MAST2: variants seen among roughly 807,000 people sequenced by gnomAD.
The protein encoded by MAST2 is microtubule-associated serine/threonine-protein kinase 2.
In MAST2, 70 loss-of-function variants were observed where a neutral mutation model predicts 147.4. The observed-to-expected ratio is 0.47, with a 90% CI of 0.39 to 0.58. MAST2 has a LOEUF of 0.58. Among genes scored for constraint, MAST2 ranks in the 20% least tolerant of loss-of-function variants. MAST2 has a pLI of 0.00. For missense variants in MAST2, 2,080 were observed against 2,302.3 expected, an observed-to-expected ratio of 0.90 and a Z score of 1.98; for synonymous variants, 869 against 896.8, an observed-to-expected ratio of 0.97 and a Z score of 0.55.
At position 45,814,478 on chromosome 1, in the gene MAST2, T is replaced by A. The variant is rs183622217; in HGVS notation, c.178-9955T>A. Among the ~76,000 whole-genome samples the A allele has an allele frequency of 6.8e-4, 104 of 151,940 alleles. 1 individual carries two copies. In the East Asian group the frequency reaches 0.014, roughly 20 times the overall value. On this transcript the variant is annotated intron_variant, in intron 1 of 28. Transcript: ENST00000361297. ...CAGTTTAAAAAGTAAAAAAAGAAAA[T>A]TTTTTTAATAGAAGAAAGCTTATAT...
At chr1:46,004,209 A>G (rs1645390788) in intron 7 of MAST2, among the ~76,000 whole-genome samples, 1 of 151,822 alleles carries the variant, frequency 6.6e-6, no homozygotes, top group South Asian at 2.1e-4. Context: ...CTAAAAATAC[A>G]AAAAATTAGC....
intron 4 of MAST2, among the ~76,000 whole-genome samples, chr1:45,903,431 AAACTT>A (rs1270084763): frequency 2.6e-5 from 4 of 152,134 alleles, no homozygotes; most frequent in Admixed American, 6.5e-5. Context: ...TGCCTGGCCT[AAACTT>A]AACTTAGCAG....
chr1:45,939,963 T>G (rs1332412507), intron 4 of MAST2, among the ~76,000 whole-genome samples: 1 of 151,070 alleles, frequency 6.6e-6, no homozygotes, highest in Non-Finnish European at 1.5e-5. Context: ...AGAACGGAAG[T>G]TCTCTATTTA....
chr1:45,835,039 A>G lies in MAST2; in HGVS notation c.468+5458A>G, dbSNP rs773730578. On this transcript the variant is annotated intron_variant, in intron 3 of 28. Transcript: ENST00000361297. ...ACAGTTCTTAACATATCTACTGGAA[A>G]TCTAAAAAGCCATGTATTGTATTTG... 2.8e-4 allele frequency among the ~76,000 whole-genome samples: 42 copies of G among 152,148 alleles called. 1 individual carries two copies. The Middle Eastern group carries it at 0.034, about 123-fold the overall frequency.
At chr1:45,891,197 A>G (rs1209375150) in intron 4 of MAST2, among the ~76,000 whole-genome samples, 1 of 152,200 alleles carries the variant, frequency 6.6e-6, no homozygotes, top group Non-Finnish European at 1.5e-5. Context: ...CTATAGACAA[A>G]CATTATTTTG....
intron 10 of MAST2, among the ~76,000 whole-genome samples, chr1:46,014,419 T>C (rs1645847504): frequency 6.8e-6 from 1 of 147,966 alleles, no homozygotes; most frequent in Non-Finnish European, 1.5e-5. Flanking sequence ...AGTGAGAATA[T>C]GCGGTGTTTG....
chr1:45,836,744 A>G (rs1645113578), intron 3 of MAST2, among the ~76,000 whole-genome samples: 2 of 152,204 alleles, frequency 1.3e-5, no homozygotes, highest in South Asian at 2.1e-4. Context: ...GTTCAGTTTG[A>G]TGACTTTTGG....
At chr1:46,001,116 C>A in intron 6 of MAST2, 1 of 644,328 alleles carries the variant, frequency 1.6e-6, no homozygotes, top group Non-Finnish European at 2.5e-6. Flanking sequence ...TTGGGCCTTT[C>A]ATGTCTTGCA....
chr1:45,849,293 G>C (rs1041318738), intron 3 of MAST2, among the ~76,000 whole-genome samples: 4 of 152,080 alleles, frequency 2.6e-5, no homozygotes, highest in African/African-American at 9.7e-5. Flanking sequence ...TAAGCAAAGA[G>C]AACAAAACTG....
chr1:46,031,635 T>C lies in MAST2; in HGVS notation c.3187+50T>C. On this transcript the variant is annotated intron_variant, in intron 24 of 28. Transcript: ENST00000361297. This position sits in a 1 kb window ranked among gnomAD's most constrained non-coding sequence, Gnocchi z 4.1. ...AAAACTCACAGGAAGGGCCTTGTAA[T>C]CTCTAGGCCTTGGGAGGGTTCTGCA... 6.4e-7 allele frequency: 1 copy of C among 1,560,454 alleles called. No individual in the cohort carries two copies. Among genetic ancestry groups the C allele is most frequent in the Non-Finnish European group, 8.7e-7 (1 of 1,144,568 alleles).
intron 3 of MAST2, among the ~76,000 whole-genome samples, chr1:45,871,844 G>A (rs1025658103): frequency 6.6e-6 from 1 of 152,092 alleles, no homozygotes; most frequent in Non-Finnish European, 1.5e-5. Context: ...TTAATTATGA[G>A]TTATATCAAG....
At chr1:45,878,330 G>A (rs1397774773) in intron 3 of MAST2, among the ~76,000 whole-genome samples, 5 of 152,084 alleles carry the variant, frequency 3.3e-5, no homozygotes, top group Admixed American at 3.3e-4. Flanking sequence ...TTCAGTAGAT[G>A]CAGAGAAAGT....
intron 4 of MAST2, among the ~76,000 whole-genome samples, chr1:45,899,370 G>A (rs1649360332): frequency 8.7e-6 from 1 of 114,634 alleles, no homozygotes; most frequent in African/African-American, 3.4e-5. Context: ...TGGATATATT[G>A]TGTAATGCTG....
intron 3 of MAST2, among the ~76,000 whole-genome samples, chr1:45,836,189 G>GCT (rs1331426979): frequency 6.6e-6 from 1 of 152,176 alleles, no homozygotes; most frequent in Non-Finnish European, 1.5e-5. Flanking sequence ...CTTTTGGTTT[G>GCT]CTACACCATT....
intron 5 of MAST2, among the ~76,000 whole-genome samples, chr1:45,982,376 T>C (rs1251492071): frequency 2.6e-5 from 4 of 152,302 alleles, no homozygotes; most frequent in African/African-American, 9.6e-5. Flanking sequence ...TAGTTTCAGG[T>C]TGGGGACTGA....
chr1:45,870,530 A>ATG (rs1055403692), intron 3 of MAST2, among the ~76,000 whole-genome samples: 2 of 150,468 alleles, frequency 1.3e-5, no homozygotes, highest in Non-Finnish European at 3.0e-5. Flanking sequence ...ATATATATAT[A>ATG]TAAAATTTTT....
At chr1:45,848,224 G>A (rs1645504958) in intron 3 of MAST2, among the ~76,000 whole-genome samples, 1 of 152,212 alleles carries the variant, frequency 6.6e-6, no homozygotes. Context: ...ACTATCCTTA[G>A]AAAGGCTTGT....
intron 3 of MAST2, among the ~76,000 whole-genome samples, chr1:45,854,338 A>C (rs982271556): frequency 0.046 from 368 of 8,008 alleles, no homozygotes; most frequent in Non-Finnish European, 0.056. Flanking sequence ...CTCTGTCTCA[A>C]AAAAAAAAAA....
At position 46,022,916 on chromosome 1, in the gene MAST2, C is replaced by T. The variant is rs757809632; in HGVS notation, c.1430C>T (p.Ala477Val). ...GLTRDPLEEM[A>V]QLSSCDSPDT... The stretch of plus-strand genomic sequence containing the variant: ...CTTGTATCTTTGTTTCCAGAAATGG[C>T]CCAGTTGAGCAGCTGTGACAGTCCT... The change falls in exon 13 of 29, where the codon GCC becomes GTC. Residue 477 changes from alanine (A) to valine (V), a missense_variant. Coordinates refer to ENST00000361297, the MANE Select transcript of MAST2 (RefSeq NM_015112.3). 1.9e-6 allele frequency: 3 copies of T among 1,613,896 alleles called. No homozygotes were observed. The highest frequency in any genetic ancestry group is 2.5e-6 in the Non-Finnish European group (3 of 1,179,784).
Sources: allele counts gnomAD v4.1 joint callset (sites outside exome capture counted in the v4.1 genomes callset), GRCh38; gene constraint gnomAD v4.1.1; non-coding constraint Gnocchi (gnomAD v3.1); transcripts MANE v1.5; gene names NCBI Gene and HGNC (gene_info 2026-07-23, HGNC 2026-07-21).